The following STK24 variants were observed in gnomAD, a reference collection of about 807,000 sequenced individuals.
STK24 encodes the protein serine/threonine kinase 24.
STK24 carries 21 observed loss-of-function variants against 55.6 expected under a neutral mutation model. The observed-to-expected ratio is 0.38, with a 90% CI of 0.27 to 0.54. STK24 has a LOEUF of 0.54. Among genes scored for constraint, STK24 ranks in the 20% least tolerant of loss-of-function variants. The pLI, the probability that STK24 is intolerant of heterozygous loss-of-function variation, is 0.79. For synonymous variants in STK24, 200 were observed against 215.2 expected, an observed-to-expected ratio of 0.93 and a Z score of 0.62; for missense variants, 383 against 538.4, an observed-to-expected ratio of 0.71 and a Z score of 2.86.
At chr13:98,565,168 C>T (rs757377528) in intron 1 of STK24, among the ~76,000 whole-genome samples, 40 of 152,160 alleles carry the variant, frequency 2.6e-4, no homozygotes, top group Non-Finnish European at 3.4e-4. Flanking sequence ...GATTCTCCAG[C>T]GCAGTGGTTC....
chr13:98,459,911 C>A (rs568158505), intron 9 of STK24, among the ~76,000 whole-genome samples: 25 of 152,258 alleles, frequency 1.6e-4, no homozygotes, highest in African/African-American at 5.5e-4. Flanking sequence ...AGGGAGTGGG[C>A]GTGGGGAGGC....
intron 3 of STK24, among the ~76,000 whole-genome samples, chr13:98,477,410 G>A (rs1399210059): frequency 1.3e-5 from 2 of 152,144 alleles, no homozygotes; most frequent in East Asian, 3.9e-4. Flanking sequence ...GGTGGCTCAT[G>A]CCTGTAATCC....
intron 2 of STK24, among the ~76,000 whole-genome samples, chr13:98,492,809 C>T (rs896819614): frequency 6.6e-6 from 1 of 152,184 alleles, no homozygotes; most frequent in Non-Finnish European, 1.5e-5. Flanking sequence ...TAATCAGCCT[C>T]TTCCCATTTT....
At chr13:98,510,120 C>T (rs994661832) in intron 2 of STK24, among the ~76,000 whole-genome samples, 1 of 152,202 alleles carries the variant, frequency 6.6e-6, no homozygotes, top group Non-Finnish European at 1.5e-5. Flanking sequence ...GAACCAACCA[C>T]ATTACCCCAG....
intron 1 of STK24, among the ~76,000 whole-genome samples, chr13:98,563,125 T>A (rs1259709244): frequency 2.6e-5 from 4 of 152,078 alleles, no homozygotes; most frequent in Non-Finnish European, 5.9e-5. Flanking sequence ...CTTGGAGAAC[T>A]AGTTTTCAAC....
chr13:98,498,983 T>C (rs1458298176), intron 2 of STK24, among the ~76,000 whole-genome samples: 1 of 151,706 alleles, frequency 6.6e-6, no homozygotes, highest in Admixed American at 6.6e-5. Flanking sequence ...GCACGGTGGC[T>C]CATGCCTATA....
intron 2 of STK24, among the ~76,000 whole-genome samples, chr13:98,493,697 T>C (rs1895127575): frequency 6.6e-6 from 1 of 152,068 alleles, no homozygotes; most frequent in Admixed American, 6.5e-5. Context: ...ATGTTACAAA[T>C]ATCAATGAAA....
At chr13:98,556,555 A>T (rs1418242558) in intron 1 of STK24, among the ~76,000 whole-genome samples, 3 of 152,218 alleles carry the variant, frequency 2.0e-5, no homozygotes, top group African/African-American at 7.2e-5. Flanking sequence ...CTGTAACACA[A>T]TGAGTATGTG....
chr13:98,486,938 A>G (rs1285678524), intron 2 of STK24, among the ~76,000 whole-genome samples: 4 of 152,246 alleles, frequency 2.6e-5, no homozygotes, highest in African/African-American at 9.6e-5. Flanking sequence ...CCAAGTGACA[A>G]TTAAATGAGA....
rs538550242 is a variant in STK24 at position 98,446,465 on chromosome 13, A to G, written c.*6708T>C. 3.2e-5 allele frequency: 20 copies of G among 618,516 alleles called. No individual in the cohort carries two copies. In the African/African-American group the frequency reaches 3.5e-4, roughly 11 times the overall value. The allele number at this position is 618,516 out of a possible 1,614,324, so 38.3% of individuals were successfully genotyped here. A position where few individuals can be genotyped will look rare whatever the true frequency, so the allele number is the denominator to read the frequency against. ...TGGACAAGGGACGGGGGTTGGCTTT[A>G]TCTACAGCTCAGTCCTGGCGGGACT... is the stretch of plus-strand genomic sequence containing the variant. On this transcript the variant is annotated 3_prime_UTR_variant, in exon 11 of 11. Coordinates refer to ENST00000539966, the MANE Select transcript of STK24 (RefSeq NM_001032296.4).
Position 98,488,496 on chromosome 13 carries a change from G to GTA in STK24, c.274-6177_274-6176dup, listed in dbSNP as rs1395283397. Among the ~76,000 whole-genome samples, 3 of 152,230 alleles carry GTA rather than the reference G, an allele frequency of 2.0e-5. No individual in the cohort carries two copies. The East Asian group carries it at 5.8e-4, about 29-fold the overall frequency. ...GCATATTTTCTTTCCTGTGAGCTGTGTATATCCTTTGTCCATTTTTCTATT... is the reference window on the plus strand; with the variant it reads ...GCATATTTTCTTTCCTGTGAGCTGTGTATATATCCTTTGTCCATTTTTCTATT... On this transcript the variant is annotated intron_variant, in intron 2 of 10. Coordinates refer to ENST00000539966, the MANE Select transcript of STK24 (RefSeq NM_001032296.4).
intron 1 of STK24, among the ~76,000 whole-genome samples, chr13:98,573,760 TAGG>T (rs759948432): frequency 6.6e-6 from 1 of 151,970 alleles, no homozygotes; most frequent in South Asian, 2.1e-4. Flanking sequence ...TGAGTGGGAG[TAGG>T]AGGAGTAGTA....
chr13:98,474,911 C>G lies in STK24; in HGVS notation c.507G>C (p.Leu169=). ...KLADFGVAGQ[L]TDTQIKRNTF... ...TGTTCCTTTTGATCTGGGTGTCTGT[C>G]AGCTGGCCAGCCACGCCAAAGTCCG... Residue 169 remains leucine, a synonymous_variant, in exon 5 of 11, where the codon CTG becomes CTC. Coordinates refer to ENST00000539966, the MANE Select transcript of STK24 (RefSeq NM_001032296.4). 1.9e-6 allele frequency: 3 copies of G among 1,614,170 alleles called. No individual in the cohort carries two copies. Among genetic ancestry groups the G allele is most frequent in the Non-Finnish European group, 2.5e-6 (3 of 1,180,024 alleles).
In STK24 at chr13:98,449,687, A is replaced by G. The variant is rs1268632374; in HGVS notation, c.*3486T>C. 6.6e-6 allele frequency: 1 copy of G among 152,540 alleles called. No homozygotes were observed. Among genetic ancestry groups the G allele is most frequent in the Non-Finnish European group, 1.5e-5 (1 of 68,024 alleles). The allele number at this position is 152,540 out of a possible 1,614,324, so 9.4% of individuals were successfully genotyped here. ...GTTAATCATTTGCCTTACAAGATGTACCAGACGGTTTCCAGTACTAACAAA... is the reference window on the plus strand; with the variant it reads ...GTTAATCATTTGCCTTACAAGATGTGCCAGACGGTTTCCAGTACTAACAAA... On this transcript the variant is annotated 3_prime_UTR_variant, in exon 11 of 11. Coordinates refer to ENST00000539966, the MANE Select transcript of STK24 (RefSeq NM_001032296.4).
intron 1 of STK24, among the ~76,000 whole-genome samples, chr13:98,561,090 T>C (rs1419397504): frequency 6.6e-6 from 1 of 152,122 alleles, no homozygotes; most frequent in Non-Finnish European, 1.5e-5. Flanking sequence ...GCAGTGATCC[T>C]TGTTTCGAAT....
At chr13:98,562,776 C>T (rs1419997896) in intron 1 of STK24, among the ~76,000 whole-genome samples, 3 of 151,746 alleles carry the variant, frequency 2.0e-5, no homozygotes, top group Admixed American at 6.6e-5. Context: ...ATTAGCCGGA[C>T]GTGGTGGCGG....
chr13:98,543,036 C>T (rs1896930649), intron 1 of STK24: 1 of 985,342 alleles, frequency 1.0e-6, no homozygotes, highest in Non-Finnish European at 1.2e-6. Context: ...AGACTGAAGC[C>T]TCCGGGGGCT....
chr13:98,475,242 C>T lies in STK24; in HGVS notation c.439+8G>A, dbSNP rs2274055. On this transcript the variant is annotated splice_region_variant and intron_variant, in intron 4 of 10. Transcript: ENST00000539966. ...ATTTCAAAGGAATGAAAACGGATGTCCTCTTACCTTTAATGTCTCTGTGGA... is the reference window on the plus strand; with the variant it reads ...ATTTCAAAGGAATGAAAACGGATGTTCTCTTACCTTTAATGTCTCTGTGGA... 453,290 of 1,596,924 alleles carry T rather than the reference C, an allele frequency of 0.28. 65,862 individuals are homozygous for T. Among genetic ancestry groups the T allele is most frequent in the African/African-American group, 0.34 (25,059 of 74,148 alleles).
At chr13:98,546,865 C>T (rs934878129) in intron 1 of STK24, among the ~76,000 whole-genome samples, 11 of 151,836 alleles carry the variant, frequency 7.2e-5, no homozygotes, top group African/African-American at 2.7e-4. Context: ...AGGCCCTGAA[C>T]ATCTGTGTTC....
Sources: allele counts gnomAD v4.1 joint callset (sites outside exome capture counted in the v4.1 genomes callset), GRCh38; gene constraint gnomAD v4.1.1; transcripts MANE v1.5; gene names NCBI Gene and HGNC (gene_info 2026-07-23, HGNC 2026-07-21).